Variants in TTC28 observed in about 807,000 individuals in gnomAD.
TTC28 encodes the protein tetratricopeptide repeat domain 28.
In TTC28, 61 loss-of-function variants were observed where a neutral mutation model predicts 198.0. The observed-to-expected ratio is 0.31, with a 90% CI of 0.25 to 0.38. The LOEUF is 0.38. Among genes scored for constraint, TTC28 ranks in the 10% least tolerant of loss-of-function variants. The probability of loss-of-function intolerance (pLI) is 1.00; values close to 1 mark genes in which losing one functional copy is unlikely to be tolerated. For missense variants in TTC28, 2,678 were observed against 3,164.0 expected (o/e 0.85, Z 3.69); for synonymous variants, 1,171 against 1,297.8 (o/e 0.90, Z 2.10).
intron 5 of TTC28, among the ~76,000 whole-genome samples, chr22:28,204,790 C>T (rs1003322849): frequency 6.6e-6 from 1 of 152,080 alleles, no homozygotes; most frequent in Non-Finnish European, 1.5e-5. Flanking sequence ...GTATTAAATA[C>T]TCATAAATGT....
At chr22:28,048,078 A>G (rs1246274849) in intron 12 of TTC28, among the ~76,000 whole-genome samples, 1 of 151,638 alleles carries the variant, frequency 6.6e-6, no homozygotes, top group Non-Finnish European at 1.5e-5. Context: ...TTGTCAACCT[A>G]GGAGGTTTTT....
intron 5 of TTC28, among the ~76,000 whole-genome samples, chr22:28,257,710 A>T (rs1323903218): frequency 7.4e-6 from 1 of 135,044 alleles, no homozygotes; most frequent in African/African-American, 2.9e-5. Flanking sequence ...AAGATGGTAA[A>T]TTTTTACCAT....
intron 12 of TTC28, among the ~76,000 whole-genome samples, chr22:28,085,931 G>A (rs1941575007): frequency 6.6e-6 from 1 of 152,124 alleles, no homozygotes; most frequent in Non-Finnish European, 1.5e-5. Flanking sequence ...TTACGTAATG[G>A]TAAAGGGATC....
intron 2 of TTC28, among the ~76,000 whole-genome samples, chr22:28,591,036 C>CAT (rs1781161613): frequency 2.7e-4 from 8 of 29,304 alleles, no homozygotes; most frequent in East Asian, 1.4e-3. Flanking sequence ...CACACACACA[C>CAT]ACACATATAT....
At chr22:28,524,202 G>T (rs549539750) in intron 2 of TTC28, among the ~76,000 whole-genome samples, 1 of 151,966 alleles carries the variant, frequency 6.6e-6, no homozygotes, top group Non-Finnish European at 1.5e-5. Context: ...AAAAATTAAC[G>T]ATCCCAGCAC....
intron 5 of TTC28, among the ~76,000 whole-genome samples, chr22:28,168,705 T>C (rs28873463): frequency 6.6e-6 from 1 of 152,028 alleles, no homozygotes; most frequent in South Asian, 2.1e-4. Flanking sequence ...GTTAGACCTA[T>C]AACCATAAAA....
chr22:28,302,612 G>A (rs1448441658), intron 3 of TTC28, among the ~76,000 whole-genome samples: 1 of 152,212 alleles, frequency 6.6e-6, no homozygotes, highest in Non-Finnish European at 1.5e-5. Flanking sequence ...GCAAATGGCA[G>A]TGCTGGAATT....
At chr22:28,184,574 T>C (rs2147112138) in intron 5 of TTC28, among the ~76,000 whole-genome samples, 1 of 149,096 alleles carries the variant, frequency 6.7e-6, no homozygotes, top group East Asian at 1.9e-4. Flanking sequence ...CATTTTTAAA[T>C]TTTTTTTTAC....
At chr22:28,336,565 G>C (rs577033222) in intron 2 of TTC28, among the ~76,000 whole-genome samples, 1 of 152,018 alleles carries the variant, frequency 6.6e-6, no homozygotes, top group Non-Finnish European at 1.5e-5. Flanking sequence ...GTTTAGTCTT[G>C]GGAGGGTGTA....
chr22:28,121,931 G>A (rs1030670455), intron 6 of TTC28, among the ~76,000 whole-genome samples: 4 of 152,124 alleles, frequency 2.6e-5, no homozygotes, highest in South Asian at 2.1e-4. Context: ...ACAGTGGCAC[G>A]ATCTTGGCTC....
intron 5 of TTC28, among the ~76,000 whole-genome samples, chr22:28,201,417 T>C (rs1925927840): frequency 6.6e-6 from 1 of 151,950 alleles, no homozygotes; most frequent in South Asian, 2.1e-4. Context: ...CTTCTTAGGG[T>C]GTCAAGGAAG....
chr22:28,217,704 A>G (rs1383942835), intron 5 of TTC28, among the ~76,000 whole-genome samples: 1 of 152,214 alleles, frequency 6.6e-6, no homozygotes, highest in African/African-American at 2.4e-5. Flanking sequence ...AGGATCATTT[A>G]TATACTTAAT....
At chr22:28,148,861 G>A (rs1943540052) in intron 6 of TTC28, among the ~76,000 whole-genome samples, 1 of 152,102 alleles carries the variant, frequency 6.6e-6, no homozygotes, top group African/African-American at 2.4e-5. Flanking sequence ...GGCACAAATA[G>A]ATGAACATAG....
chr22:28,337,381 G>C (rs866228626), intron 2 of TTC28, among the ~76,000 whole-genome samples: 1 of 152,068 alleles, frequency 6.6e-6, no homozygotes, highest in Non-Finnish European at 1.5e-5. Context: ...CTGAGTTCAA[G>C]TCCTGGATAT....
At chr22:28,585,578 G>C (rs930998247) in intron 2 of TTC28, among the ~76,000 whole-genome samples, 1 of 152,118 alleles carries the variant, frequency 6.6e-6, no homozygotes, top group African/African-American at 2.4e-5. Flanking sequence ...AACAGGACAC[G>C]GACCAGTATC....
Position 28,108,204 on chromosome 22 carries a change from C to A in TTC28, c.1641G>T (p.Val547=). Residue 547 remains valine, a synonymous_variant, in exon 7 of 23, where the codon GTG becomes GTT. Coordinates refer to ENST00000397906, the MANE Select transcript of TTC28 (RefSeq NM_001145418.2). ...HRQELQISME[V]NDRASQASTH... is the part of the protein sequence containing the mutation. ...TGGAGGCCTGTGAGGCGCGGTCATT[C>A]ACTTCCATGGAGATCTGCAGCTCCT... 1 of 1,551,552 alleles carries A rather than the reference C, an allele frequency of 6.4e-7. No individual in the cohort carries two copies.
At chr22:28,372,965 C>G (rs1035001885) in intron 2 of TTC28, among the ~76,000 whole-genome samples, 1 of 152,072 alleles carries the variant, frequency 6.6e-6, no homozygotes, top group African/African-American at 2.4e-5. Context: ...TTAGCTGAAC[C>G]CCTCTTTTCT....
At chr22:28,605,630 C>T (rs2050717220) in intron 2 of TTC28, among the ~76,000 whole-genome samples, 2 of 152,142 alleles carry the variant, frequency 1.3e-5, no homozygotes, top group Non-Finnish European at 2.9e-5. Flanking sequence ...ACTTCCCCTG[C>T]TAGAACCACC....
rs1005612701 is a variant in TTC28, at chr22:27,983,238, C to T, written c.6429G>A (p.Thr2143=). The T allele has an allele frequency of 1.4e-5, 21 of 1,551,848 alleles. No homozygotes were observed. Among genetic ancestry groups the T allele is most frequent in the South Asian group, 2.4e-5 (2 of 84,052 alleles). The change falls in exon 23 of 23, where the codon ACG becomes ACA. Residue 2143 remains threonine, a synonymous_variant. Transcript: ENST00000397906. ...TGESDQSSTE[T]DSTVKSQEES... ...CTTCTTGGGATTTCACGGTACTGTC[C>T]GTTTCTGTGCTAGACTGGTCTGATT...
Sources: allele counts gnomAD v4.1 joint callset (sites outside exome capture counted in the v4.1 genomes callset), GRCh38; gene constraint gnomAD v4.1.1; transcripts MANE v1.5; gene names NCBI Gene and HGNC (gene_info 2026-07-23, HGNC 2026-07-21).